Variants in SORCS2 observed in about 807,000 individuals in gnomAD.
SORCS2 encodes the protein sortilin related VPS10 domain containing receptor 2, also known as VPS10 domain-containing receptor SorCS2.
In SORCS2, 100 loss-of-function variants were observed where a neutral mutation model predicts 141.6. The ratio of observed to expected loss-of-function variants is 0.71; its 90% CI spans 0.60 to 0.83. The LOEUF is 0.83. Ranked by LOEUF, SORCS2 falls within the 40% of genes least tolerant of loss-of-function variation. SORCS2 has a pLI of 0.00. For missense variants in SORCS2, 1,646 were observed against 1,560.2 expected, an observed-to-expected ratio of 1.05 and a Z score of -0.93; for synonymous variants, 789 against 676.9, an observed-to-expected ratio of 1.17 and a Z score of -2.57.
Position 7,416,754 on chromosome 4 carries a change from GCA to G in SORCS2, c.548+20404_548+20405del, listed in dbSNP as rs1330214263. Among the ~76,000 whole-genome samples, 78 of 150,388 alleles carry G rather than the reference GCA, an allele frequency of 5.2e-4. No individual in the cohort carries two copies. In the East Asian group the frequency reaches 5.5e-3, roughly 11 times the overall value. On this transcript the variant is annotated intron_variant, in intron 2 of 26. Coordinates refer to ENST00000507866, the MANE Select transcript of SORCS2 (RefSeq NM_020777.3). The stretch of plus-strand genomic sequence containing the variant: ...CACACGCATGCACACACACTTGTGC[GCA>G]CACAGACACATGCATGCATGTACAC...
At chr4:7,327,338 A>G (rs7661158) in intron 1 of SORCS2, among the ~76,000 whole-genome samples, 73,031 of 152,082 alleles carry the variant, frequency 0.48, 21,861 homozygotes, top group African/African-American at 0.82. Context: ...GGCTTGCACC[A>G]CATCCCTCCG....
At chr4:7,320,696 G>A (rs1104939) in intron 1 of SORCS2, among the ~76,000 whole-genome samples, 117,039 of 152,076 alleles carry the variant, frequency 0.77, 45,772 homozygotes, top group African/African-American at 0.91. Flanking sequence ...CCTTGGAGGT[G>A]GGGCCCTTCC....
At chr4:7,399,481 C>T (rs4689726) in intron 2 of SORCS2, among the ~76,000 whole-genome samples, 37,708 of 152,066 alleles carry the variant, frequency 0.25, 5,973 homozygotes, top group Middle Eastern at 0.39. Context: ...ATTTGACGGG[C>T]CGCATGTCAG....
In SORCS2 at chr4:7,410,272, G is replaced by A. The variant is rs1023012486; in HGVS notation, c.548+13917G>A. Among the ~76,000 whole-genome samples, 10 of 152,226 alleles carry A rather than the reference G, an allele frequency of 6.6e-5. No individual in the cohort carries two copies. The South Asian group carries it at 2.1e-3, about 31-fold the overall frequency. On this transcript the variant is annotated intron_variant, in intron 2 of 26. Coordinates refer to ENST00000507866, the MANE Select transcript of SORCS2 (RefSeq NM_020777.3). The stretch of plus-strand genomic sequence containing the variant: ...GAGTTCATAGCCAGTTTTCAGATGG[G>A]AAAATTTAAGAGGTGATATGCTTTG...
At chr4:7,276,592 C>T (rs563127219) in intron 1 of SORCS2, among the ~76,000 whole-genome samples, 35 of 152,254 alleles carry the variant, frequency 2.3e-4, no homozygotes, top group Admixed American at 7.8e-4. Flanking sequence ...CCGGGAAACG[C>T]ACTGGAAACT....
At chr4:7,563,809 G>A (rs1164308719) in intron 3 of SORCS2, among the ~76,000 whole-genome samples, 2 of 152,206 alleles carry the variant, frequency 1.3e-5, no homozygotes, top group Non-Finnish European at 2.9e-5. Flanking sequence ...AGAATTCAAA[G>A]TGGTCTAGTC....
At chr4:7,493,057 C>T (rs948426639) in intron 2 of SORCS2, among the ~76,000 whole-genome samples, 15 of 152,250 alleles carry the variant, frequency 9.9e-5, no homozygotes, top group African/African-American at 3.6e-4. Flanking sequence ...CAGGCTCCTT[C>T]CATCTGGGGT....
At chr4:7,642,796 T>A (rs2108876121) in intron 4 of SORCS2, among the ~76,000 whole-genome samples, 1 of 151,818 alleles carries the variant, frequency 6.6e-6, no homozygotes, top group Admixed American at 6.6e-5. Context: ...ACTGGTGGAG[T>A]TTGCGTCCCC....
At chr4:7,337,032 G>A (rs549449694) in intron 1 of SORCS2, among the ~76,000 whole-genome samples, 3 of 152,302 alleles carry the variant, frequency 2.0e-5, no homozygotes, top group Admixed American at 6.5e-5. Context: ...ACACACAATC[G>A]TGGCTGAGAA....
chr4:7,403,007 C>T (rs187541635), intron 2 of SORCS2, among the ~76,000 whole-genome samples: 141 of 152,278 alleles, frequency 9.3e-4, no homozygotes, highest in Non-Finnish European at 1.7e-3. Context: ...GTGTCTTGAA[C>T]TCCTGCCAGG....
chr4:7,542,571 G>T (rs1229706985), intron 3 of SORCS2, among the ~76,000 whole-genome samples: 1 of 152,142 alleles, frequency 6.6e-6, no homozygotes, highest in Non-Finnish European at 1.5e-5. Flanking sequence ...GCTTGGAATG[G>T]ATTCTCTCCC....
chr4:7,367,110 C>T lies in SORCS2; in HGVS notation c.481-29178C>T, dbSNP rs113667228. 9.9e-5 allele frequency among the ~76,000 whole-genome samples: 15 copies of T among 152,260 alleles called. No homozygotes were observed. The South Asian group carries it at 1.5e-3, about 15-fold the overall frequency. On this transcript the variant is annotated intron_variant, in intron 1 of 26. Transcript: ENST00000507866. ...GTACAAGATCCCCAAAGGGGAGCCCCGTGATGTGGCCCCAGCAATGACATT... is the reference window on the plus strand; with the variant it reads ...GTACAAGATCCCCAAAGGGGAGCCCTGTGATGTGGCCCCAGCAATGACATT...
intron 1 of SORCS2, among the ~76,000 whole-genome samples, chr4:7,260,339 C>A (rs1312179342): frequency 6.6e-6 from 1 of 152,114 alleles, no homozygotes; most frequent in Non-Finnish European, 1.5e-5. Flanking sequence ...GCCACACTTA[C>A]TCTCTGCCTG....
chr4:7,593,884 G>A (rs1053175877), intron 3 of SORCS2, among the ~76,000 whole-genome samples: 2 of 152,180 alleles, frequency 1.3e-5, no homozygotes, highest in African/African-American at 2.4e-5. Context: ...AGAAGAAGGC[G>A]CTACTCGGAG....
intron 12 of SORCS2, among the ~76,000 whole-genome samples, chr4:7,700,537 C>T (rs1724995964): frequency 6.6e-6 from 1 of 152,222 alleles, no homozygotes; most frequent in African/African-American, 2.4e-5. Context: ...TCTTCATAGT[C>T]CCCTAAAATC....
In SORCS2 at chr4:7,220,035, T is replaced by C. The variant is rs536150310; in HGVS notation, c.480+26909T>C. ...ATTTCAGAACTAGTTCCACCAAGAGTACATACAGTTTAGAACAACAGCTGC... is the reference window on the plus strand; with the variant it reads ...ATTTCAGAACTAGTTCCACCAAGAGCACATACAGTTTAGAACAACAGCTGC... On this transcript the variant is annotated intron_variant, in intron 1 of 26. Transcript: ENST00000507866. Among the ~76,000 whole-genome samples, 4 of 151,960 alleles carry C rather than the reference T, an allele frequency of 2.6e-5. No individual in the cohort carries two copies. The East Asian group carries it at 7.8e-4, about 29-fold the overall frequency.
chr4:7,612,946 G>A, intron 3 of SORCS2, among the ~76,000 whole-genome samples: 1 of 152,234 alleles, frequency 6.6e-6, no homozygotes, highest in East Asian at 1.9e-4. Flanking sequence ...CTTCGAGCCG[G>A]GCAAGGGCCA....
intron 1 of SORCS2, among the ~76,000 whole-genome samples, chr4:7,352,213 T>G (rs1720984218): frequency 6.6e-6 from 1 of 152,228 alleles, no homozygotes; most frequent in South Asian, 2.1e-4. Flanking sequence ...CTCATGGGAT[T>G]GTGAAAGCTT....
chr4:7,713,109 C>G (rs751943116), intron 15 of SORCS2, among the ~76,000 whole-genome samples: 2 of 152,086 alleles, frequency 1.3e-5, no homozygotes, highest in Non-Finnish European at 2.9e-5. Flanking sequence ...GCTACAGTCT[C>G]TACTCCAGCC....
Sources: allele counts gnomAD v4.1 joint callset (sites outside exome capture counted in the v4.1 genomes callset), GRCh38; gene constraint gnomAD v4.1.1; transcripts MANE v1.5; gene names NCBI Gene and HGNC (gene_info 2026-07-23, HGNC 2026-07-21).